CREBRF: variants seen among roughly 807,000 people sequenced by gnomAD.
CREBRF encodes UPF0474 protein C5orf41.
CREBRF carries 5 observed loss-of-function variants against 66.1 expected under a neutral mutation model. That is an observed-to-expected ratio of 0.08 (90% CI 0.04 to 0.16). The LOEUF is 0.16. Ranked by LOEUF, CREBRF falls within the 10% of genes least tolerant of loss-of-function variation. The pLI, the probability that CREBRF is intolerant of heterozygous loss-of-function variation, is 1.00. For synonymous variants in CREBRF, 229 were observed against 264.4 expected (o/e 0.87, Z 1.30); for missense variants, 531 against 744.9 (o/e 0.71, Z 3.34).
chr5:173,085,227 G>A, intron 2 of CREBRF: 1 of 421,378 alleles, frequency 2.4e-6, no homozygotes, highest in Non-Finnish European at 4.2e-6. Context: ...ACAGGCTTGA[G>A]TCACTGCCCC....
At chr5:173,107,479 A>C (rs533924082) in intron 4 of CREBRF, among the ~76,000 whole-genome samples, 5 of 152,356 alleles carry the variant, frequency 3.3e-5, no homozygotes, top group African/African-American at 7.2e-5. Flanking sequence ...CTATTAGGAA[A>C]ATACCCCCTT....
At position 173,059,865 on chromosome 5, in the gene CREBRF, G is replaced by C. The variant is rs570716236; in HGVS notation, c.-192+3386G>C. The stretch of plus-strand genomic sequence containing the variant: ...TTTTTATATTCATAAGCATAGAAGA[G>C]GCTAAATAGCTCCCGAAGAGAGTCT... On this transcript the variant is annotated intron_variant, in intron 1 of 8. Coordinates refer to ENST00000296953, the MANE Select transcript of CREBRF (RefSeq NM_153607.3). 2.0e-5 allele frequency among the ~76,000 whole-genome samples: 3 copies of C among 152,186 alleles called. No individual in the cohort carries two copies. The South Asian group carries it at 6.2e-4, about 32-fold the overall frequency.
chr5:173,086,125 G>A (rs1758137556), intron 2 of CREBRF: 1 of 800,742 alleles, frequency 1.2e-6, no homozygotes, highest in Non-Finnish European at 2.3e-6. Flanking sequence ...TATTCCGATG[G>A]AAATTTGTTT....
chr5:173,089,065 G>A (rs1758249016), intron 3 of CREBRF, among the ~76,000 whole-genome samples: 1 of 151,414 alleles, frequency 6.6e-6, no homozygotes, highest in African/African-American at 2.4e-5. Context: ...TGTAATCTCA[G>A]CAATTCAGGA....
At chr5:173,103,662 C>CAA (rs1449079460) in intron 4 of CREBRF, among the ~76,000 whole-genome samples, 3 of 152,174 alleles carry the variant, frequency 2.0e-5, no homozygotes, top group Non-Finnish European at 4.4e-5. Flanking sequence ...GAGTTTTAGT[C>CAA]TCTTTTCTGG....
At chr5:173,087,477 C>A (rs563644354) in intron 3 of CREBRF, among the ~76,000 whole-genome samples, 100 of 151,818 alleles carry the variant, frequency 6.6e-4, no homozygotes, top group African/African-American at 2.2e-3. Context: ...GCGGGCGGAT[C>A]ATGAGGTCAG....
intron 8 of CREBRF, among the ~76,000 whole-genome samples, chr5:173,125,127 C>T (rs975817748): frequency 4.6e-5 from 7 of 151,964 alleles, no homozygotes; most frequent in Non-Finnish European, 1.0e-4. Context: ...ACCATGTTGG[C>T]CAGGCTGGTC....
intron 4 of CREBRF, among the ~76,000 whole-genome samples, chr5:173,102,057 T>G (rs1399766907): frequency 6.6e-6 from 1 of 152,208 alleles, no homozygotes; most frequent in Non-Finnish European, 1.5e-5. Flanking sequence ...TTCTTCTGTT[T>G]GATCAAGTCT....
intron 5 of CREBRF, 172 bp from the exon 6 acceptor site, chr5:173,110,347 AGAG>A: frequency 1.4e-6 from 1 of 697,806 alleles, no homozygotes; most frequent in Non-Finnish European, 2.6e-6. Flanking sequence ...GATGGGAAGG[AGAG>A]GAGGCCAGCC....
intron 3 of CREBRF, among the ~76,000 whole-genome samples, chr5:173,089,999 A>G (rs1366696435): frequency 6.6e-6 from 1 of 152,186 alleles, no homozygotes; most frequent in Non-Finnish European, 1.5e-5. Flanking sequence ...AAGGAAATGT[A>G]AACTTTTTTC....
Position 173,137,236 on chromosome 5 carries a change from C to T in CREBRF, c.*3491C>T, listed in dbSNP as rs1328279958. ...ATTTAAAACTAAACGTCTTCATTCC[C>T]TTCCACTTCCTACATCTTTAACTTT... is the stretch of plus-strand genomic sequence containing the variant. On this transcript the variant is annotated 3_prime_UTR_variant, in exon 9 of 9. Coordinates refer to ENST00000296953, the MANE Select transcript of CREBRF (RefSeq NM_153607.3). The T allele has an allele frequency of 6.6e-6, 1 of 152,040 alleles. No homozygotes were observed. Among genetic ancestry groups the T allele is most frequent in the Admixed American group, 6.6e-5 (1 of 15,246 alleles). 9.4% of individuals were successfully genotyped at this position (152,040 alleles called of 1,614,324 possible).
At chr5:173,107,643 CA>C (rs1468329171) in intron 4 of CREBRF, among the ~76,000 whole-genome samples, 1 of 151,998 alleles carries the variant, frequency 6.6e-6, no homozygotes, top group Non-Finnish European at 1.5e-5. Flanking sequence ...CTAATGCTGC[CA>C]CATAGAATTC....
intron 4 of CREBRF, among the ~76,000 whole-genome samples, chr5:173,106,714 C>T (rs1758759425): frequency 6.6e-6 from 1 of 150,706 alleles, no homozygotes. Flanking sequence ...GTTTGATCAC[C>T]CCCGAAAATT....
At chr5:173,132,085 CT>C (rs34701764) in intron 8 of CREBRF, among the ~76,000 whole-genome samples, 57,182 of 124,340 alleles carry the variant, frequency 0.46, 12,767 homozygotes, top group Non-Finnish European at 0.55. Flanking sequence ...AAATATATTT[CT>C]TTTTTTTTTT....
chr5:173,123,058 A>G (rs777483041), intron 7 of CREBRF, 22 bp from the exon 8 acceptor site: 13 of 1,564,944 alleles, frequency 8.3e-6, no homozygotes, highest in South Asian at 2.4e-5. Context: ...ACATATTCCA[A>G]GTGTTTTGTT....
intron 1 of CREBRF, chr5:173,068,038 TA>T (rs1486897380): frequency 1.4e-5 from 5 of 361,730 alleles, no homozygotes; most frequent in Non-Finnish European, 2.2e-5. Flanking sequence ...TCTTCTGTTT[TA>T]AAATGTATAT....
chr5:173,080,229 T>TA (rs2113706210), intron 1 of CREBRF, among the ~76,000 whole-genome samples: 1 of 152,290 alleles, frequency 6.6e-6, no homozygotes, highest in African/African-American at 2.4e-5. Context: ...AATTTTGAGA[T>TA]ATGTTTTCTC....
chr5:173,088,187 A>G (rs1362359370), intron 3 of CREBRF, among the ~76,000 whole-genome samples: 2 of 150,112 alleles, frequency 1.3e-5, no homozygotes, highest in African/African-American at 4.9e-5. Flanking sequence ...TCATAGCCAC[A>G]CACACCTGCA....
At chr5:173,074,326 C>T (rs1328359983) in intron 1 of CREBRF, among the ~76,000 whole-genome samples, 2 of 149,900 alleles carry the variant, frequency 1.3e-5, no homozygotes, top group Non-Finnish European at 3.0e-5. Context: ...AAGGCTTCTT[C>T]CTTATTGGTT....
Sources: allele counts gnomAD v4.1 joint callset (sites outside exome capture counted in the v4.1 genomes callset), GRCh38; gene constraint gnomAD v4.1.1; transcripts MANE v1.5; gene names NCBI Gene and HGNC (gene_info 2026-07-23, HGNC 2026-07-21).